RET: variants seen among roughly 807,000 people sequenced by gnomAD.
RET encodes the protein ret proto-oncogene.
Under a neutral mutation model 118.3 loss-of-function variants are expected in RET, and 19 were observed. That is an observed-to-expected ratio of 0.16 (90% confidence interval 0.11 to 0.24). The LOEUF is 0.24. RET is among the 10% of genes least tolerant of loss of function. RET has a pLI of 1.00. For missense variants in RET, 1,219 were observed against 1,502.1 expected, an observed-to-expected ratio of 0.81 and a Z score of 3.12; for synonymous variants, 597 against 644.1, an observed-to-expected ratio of 0.93 and a Z score of 1.11.
intron 1 of RET, among the ~76,000 whole-genome samples, chr10:43,090,127 C>A (rs1837380929): frequency 6.6e-6 from 1 of 152,156 alleles, no homozygotes; most frequent in Non-Finnish European, 1.5e-5. Flanking sequence ...GTGAGTAGGC[C>A]CAGGCCTGGC....
intron 1 of RET, among the ~76,000 whole-genome samples, chr10:43,092,718 G>A (rs1416421285): frequency 6.6e-6 from 1 of 152,218 alleles, no homozygotes; most frequent in Non-Finnish European, 1.5e-5. Context: ...GGCTCCTCAG[G>A]CACTGATAGA....
At chr10:43,105,388 C>T (rs1229991826) in intron 4 of RET, among the ~76,000 whole-genome samples, 195 bp downstream of exon 4, 1 of 152,058 alleles carries the variant, frequency 6.6e-6, no homozygotes, top group African/African-American at 2.4e-5. Context: ...CCAGCTGGGC[C>T]TTGCCTCGGG....
chr10:43,128,729 A>G lies in RET; in HGVS notation c.*460A>G. On this transcript the variant is annotated 3_prime_UTR_variant, in exon 20 of 20. Coordinates refer to ENST00000355710, the MANE Select transcript of RET (RefSeq NM_020975.6). Reference sequence around the variant, plus strand: ...GGCAGTAGGAAAAATGCTGGCCCTGATGACCTGTCCTTATTCAGAATGAGA... The same window carrying G: ...GGCAGTAGGAAAAATGCTGGCCCTGGTGACCTGTCCTTATTCAGAATGAGA... 2.7e-6 allele frequency: 1 copy of G among 372,572 alleles called. No homozygotes were observed. The highest frequency in any genetic ancestry group is 4.4e-5 in the East Asian group (1 of 22,554). The allele number at this position is 372,572 out of a possible 1,614,324, so 23.1% of individuals were successfully genotyped here.
intron 3 of RET, 58 bp from the exon 4 acceptor site, chr10:43,104,894 G>A: frequency 1.3e-6 from 2 of 1,535,642 alleles, no homozygotes; most frequent in Non-Finnish European, 1.7e-6. Flanking sequence ...CCCGAGGAAA[G>A]CGGCTGGCCC....
chr10:43,109,357 C>T, intron 6 of RET, 127 bp downstream of exon 6: 1 of 962,036 alleles, frequency 1.0e-6, no homozygotes, highest in Non-Finnish European at 1.6e-6. Flanking sequence ...GTCCTGAGCC[C>T]AGGGCCAGGA....
At chr10:43,094,915 T>C (rs1374864486) in intron 1 of RET, among the ~76,000 whole-genome samples, 2 of 152,130 alleles carry the variant, frequency 1.3e-5, no homozygotes, top group Non-Finnish European at 2.9e-5. Context: ...AGAGAAGGAA[T>C]GCATGTGTGC....
rs1222385123 is a variant in RET, at chr10:43,109,188, C to T, written c.1221C>T (p.Thr407=). ...CGGTCAGCCTGCACCTGCCCAGTACCTACTCCCTCTCCGTGAGCAGGAGGG... is the reference window on the plus strand; with the variant it reads ...CGGTCAGCCTGCACCTGCCCAGTACTTACTCCCTCTCCGTGAGCAGGAGGG... The part of the protein sequence containing the change: ...VLPVSLHLPS[T]YSLSVSRRAR... Residue 407 remains threonine, a synonymous_variant, in exon 6 of 20, where the codon ACC becomes ACT. Transcript: ENST00000355710. The T allele has an allele frequency of 9.9e-6, 16 of 1,613,706 alleles. No homozygotes were observed. The highest frequency in any genetic ancestry group is 1.7e-5 in the Admixed American group (1 of 60,008).
chr10:43,100,397 T>C, intron 1 of RET, 62 bp from the exon 2 acceptor site: 1 of 1,583,902 alleles, frequency 6.3e-7, no homozygotes, highest in Non-Finnish European at 8.6e-7. Flanking sequence ...GATTTTTTTT[T>C]TTTTTGTCCT....
chr10:43,087,512 G>C (rs1588854798), intron 1 of RET, among the ~76,000 whole-genome samples: 2 of 152,232 alleles, frequency 1.3e-5, no homozygotes, highest in Non-Finnish European at 2.9e-5. Flanking sequence ...GTTTTACAGA[G>C]AGATGCTTAA....
rs2132721114 is a variant in RET at position 43,106,508 on chromosome 10, T to C, written c.1000T>C (p.Trp334Arg). The C allele has an allele frequency of 6.2e-7, 1 of 1,613,760 alleles. No individual in the cohort carries two copies. The highest frequency in any genetic ancestry group is 1.3e-5 in the African/African-American group (1 of 75,016). ...CCAGCAGACCTTCCGGGTGGAACACTGGCCCAACGAGACCTCGGTCCAGGC... is the reference window on the plus strand; with the variant it reads ...CCAGCAGACCTTCCGGGTGGAACACCGGCCCAACGAGACCTCGGTCCAGGC... ...WAQQTFRVEH[W>R]PNETSVQANG... The change falls in exon 5 of 20, where the codon TGG (tryptophan) becomes CGG (arginine). Residue 334 changes from tryptophan (W) to arginine (R), a missense_variant. Physicochemically the swap from Trp to Arg is moderately radical, Grantham distance 101. Coordinates refer to ENST00000355710, the MANE Select transcript of RET (RefSeq NM_020975.6). This position sits in a 1 kb window ranked among gnomAD's most constrained non-coding sequence, Gnocchi z 5.1.
At chr10:43,099,868 T>C (rs1206137240) in intron 1 of RET, among the ~76,000 whole-genome samples, 1 of 152,244 alleles carries the variant, frequency 6.6e-6, no homozygotes, top group Non-Finnish European at 1.5e-5. Flanking sequence ...TCCTTTTCCA[T>C]TGCTGGGCAG....
intron 18 of RET, among the ~76,000 whole-genome samples, chr10:43,125,337 AG>A (rs947661411): frequency 2.2e-4 from 34 of 152,204 alleles, no homozygotes; most frequent in African/African-American, 6.3e-4. Context: ...AGATGCCCAG[AG>A]GGGGGTCCGG....
At chr10:43,078,580 C>T (rs933907696) in intron 1 of RET, among the ~76,000 whole-genome samples, 6 of 152,236 alleles carry the variant, frequency 3.9e-5, no homozygotes, top group African/African-American at 1.4e-4. Flanking sequence ...GGGGAAGACA[C>T]GGGGCAGAAG....
At chr10:43,110,938 C>T (rs945315283) in intron 6 of RET, among the ~76,000 whole-genome samples, 4 of 152,104 alleles carry the variant, frequency 2.6e-5, no homozygotes, top group African/African-American at 7.2e-5. Context: ...AACTGAACCT[C>T]GAGGCCCTGG....
At position 43,094,554 on chromosome 10, in the gene RET, G is replaced by T. The variant is rs553593942; in HGVS notation, c.74-5905G>T. 5.3e-5 allele frequency among the ~76,000 whole-genome samples: 8 copies of T among 152,232 alleles called. No individual in the cohort carries two copies. The East Asian group carries it at 1.2e-3, about 22-fold the overall frequency. On this transcript the variant is annotated intron_variant, in intron 1 of 19. Transcript: ENST00000355710. Reference sequence around the variant, plus strand: ...GCTCCATTTGTGTTTCTGTGGCAGGGTCACCATGCCATGGCAAGGGTGACC... The same window carrying T: ...GCTCCATTTGTGTTTCTGTGGCAGGTTCACCATGCCATGGCAAGGGTGACC...
At chr10:43,113,710 C>G in intron 10 of RET, 35 bp downstream of exon 10, 2 of 1,611,414 alleles carry the variant, frequency 1.2e-6, no homozygotes, top group Non-Finnish European at 1.7e-6. Flanking sequence ...CCACCACCTC[C>G]CAGCCCCACA....
chr10:43,109,928 C>T (rs943579313), intron 6 of RET, among the ~76,000 whole-genome samples: 8 of 152,320 alleles, frequency 5.3e-5, no homozygotes, highest in African/African-American at 1.9e-4. Flanking sequence ...CTGCAGCACG[C>T]ATGTTCTCGC....
intron 6 of RET, 34 bp from the exon 7 acceptor site, chr10:43,111,173 T>A (rs1408697425): frequency 1.2e-6 from 2 of 1,612,194 alleles, no homozygotes; most frequent in Non-Finnish European, 1.7e-6. Flanking sequence ...CCGGTCCAGC[T>A]GCCTGGCTAA....
chr10:43,104,899 T>A lies in RET; in HGVS notation c.626-53T>A, dbSNP rs1464180299. On this transcript the variant is annotated intron_variant, in intron 3 of 19. Transcript: ENST00000355710. ...GAGCCCCCTTCCCGAGGAAAGCGGC[T>A]GGCCCGGTCCCGGCTGGTGATCACG... is the stretch of plus-strand genomic sequence containing the variant. The A allele has an allele frequency of 2.6e-6, 4 of 1,537,614 alleles. No homozygotes were observed. In the African/African-American group the frequency reaches 5.5e-5, roughly 21 times the overall value.
Sources: gnomAD v4.1 joint callset for allele counts (sites outside exome capture counted in the v4.1 genomes callset) on GRCh38, gnomAD v4.1.1 for gene constraint, Gnocchi (gnomAD v3.1) non-coding constraint, MANE v1.5 for transcripts, NCBI Gene and HGNC (gene_info 2026-07-23, HGNC 2026-07-21) for gene names.